Variants in TMTC1 observed in about 807,000 individuals in gnomAD.
TMTC1 encodes the protein protein O-mannosyl-transferase TMTC1.
TMTC1 carries 73 observed loss-of-function variants against 104.8 expected under a neutral mutation model. That is an observed-to-expected ratio of 0.70 (90% CI 0.58 to 0.85). TMTC1 has a LOEUF of 0.85. Among genes scored for constraint, TMTC1 ranks in the 40% least tolerant of loss-of-function variants. The probability of loss-of-function intolerance (pLI) is 0.00; values close to 1 mark genes in which losing one functional copy is unlikely to be tolerated. For synonymous variants in TMTC1, 434 were observed against 428.7 expected, an observed-to-expected ratio of 1.01 and a Z score of -0.15; for missense variants, 1,035 against 1,096.1, an observed-to-expected ratio of 0.94 and a Z score of 0.79.
At chr12:29,686,544 C>G (rs1224800179) in intron 5 of TMTC1, among the ~76,000 whole-genome samples, 1 of 152,152 alleles carries the variant, frequency 6.6e-6, no homozygotes, top group African/African-American at 2.4e-5. Context: ...GGAGCTGATG[C>G]TGGGAAGAGA....
chr12:29,707,536 T>C (rs984255163), intron 5 of TMTC1, among the ~76,000 whole-genome samples: 9 of 152,122 alleles, frequency 5.9e-5, no homozygotes, highest in African/African-American at 2.2e-4. Context: ...TTCTCCTCTT[T>C]GAAGATCTCT....
chr12:29,597,481 G>A (rs1946441712), intron 7 of TMTC1, among the ~76,000 whole-genome samples: 1 of 151,874 alleles, frequency 6.6e-6, no homozygotes, highest in Admixed American at 6.6e-5. Flanking sequence ...CTTTTGTAGG[G>A]CCACTGTCGG....
rs376684672 is a variant in TMTC1 at position 29,635,794 on chromosome 12, C to T, written c.939-2458G>A. On this transcript the variant is annotated intron_variant, in intron 5 of 17. Coordinates refer to ENST00000539277, the MANE Select transcript of TMTC1 (RefSeq NM_001193451.2). Reference sequence around the variant, plus strand: ...ACCACAGGGATGCAGTGTGCAAAATCCAGACTGTGGGAAACAAAGGGCCCA... The same window carrying T: ...ACCACAGGGATGCAGTGTGCAAAATTCAGACTGTGGGAAACAAAGGGCCCA... Among the ~76,000 whole-genome samples the T allele has an allele frequency of 3.9e-5, 6 of 152,184 alleles. No individual in the cohort carries two copies. The East Asian group carries it at 1.2e-3, about 29-fold the overall frequency.
chr12:29,697,530 G>T (rs77619280), intron 5 of TMTC1, among the ~76,000 whole-genome samples: 2,512 of 152,364 alleles, frequency 0.016, 43 homozygotes, highest in Non-Finnish European at 0.026. Flanking sequence ...TGTGTGTATA[G>T]AAAGAGATTT....
chr12:29,655,338 G>T (rs977514404), intron 5 of TMTC1, among the ~76,000 whole-genome samples: 1 of 152,120 alleles, frequency 6.6e-6, no homozygotes, highest in Admixed American at 6.5e-5. Context: ...AACAATGAAT[G>T]GGAATGAGAT....
chr12:29,662,614 C>T (rs968775564), intron 5 of TMTC1, among the ~76,000 whole-genome samples: 79 of 147,138 alleles, frequency 5.4e-4, no homozygotes, highest in African/African-American at 1.9e-3. Context: ...CGTGCCACTA[C>T]ACTCCAGCTT....
chr12:29,650,857 T>C (rs1591863361), intron 5 of TMTC1, among the ~76,000 whole-genome samples: 2 of 152,138 alleles, frequency 1.3e-5, no homozygotes, highest in Non-Finnish European at 2.9e-5. Context: ...CTTGTTGATA[T>C]GTGAATAGAG....
In TMTC1 at chr12:29,644,143, GTGTGTGTATATATA is replaced by G. The variant is rs1247009245; in HGVS notation, c.939-10821_939-10808del. 6.5e-4 allele frequency among the ~76,000 whole-genome samples: 65 copies of G among 99,500 alleles called. 1 individual carries two copies. The highest frequency in any genetic ancestry group is 1.1e-3 in the Non-Finnish European group (55 of 49,208). 65.3% of individuals were successfully genotyped at this position (99,500 alleles called of 152,430 possible). On this transcript the variant is annotated intron_variant, in intron 5 of 17. Coordinates refer to ENST00000539277, the MANE Select transcript of TMTC1 (RefSeq NM_001193451.2). ...TGTGTGTGTGTGTGTGTGTGTGTGT[GTGTGTGTATATATA>G]TATATAATGAAATACTAAACAGCCA... is the stretch of plus-strand genomic sequence containing the variant.
intron 6 of TMTC1, among the ~76,000 whole-genome samples, chr12:29,622,818 A>C (rs1442521382): frequency 6.6e-6 from 1 of 152,232 alleles, no homozygotes; most frequent in Non-Finnish European, 1.5e-5. Context: ...GGAGAGGCAC[A>C]GAACGAGATA....
At chr12:29,604,765 T>C (rs1272975463) in intron 6 of TMTC1, among the ~76,000 whole-genome samples, 1 of 152,152 alleles carries the variant, frequency 6.6e-6, no homozygotes, top group Non-Finnish European at 1.5e-5. Context: ...GAAGCAAAGT[T>C]TAACATCAAG....
upstream of TMTC1, chr12:29,784,672 G>A (rs546677689): frequency 1.3e-5 from 2 of 152,348 alleles, no homozygotes; most frequent in South Asian, 4.1e-4. Flanking sequence ...TTTGGGCCTG[G>A]GAGCCGAATT....
intron 5 of TMTC1, among the ~76,000 whole-genome samples, chr12:29,663,149 T>C (rs1402157655): frequency 2.0e-5 from 3 of 152,210 alleles, no homozygotes; most frequent in Non-Finnish European, 4.4e-5. Flanking sequence ...AACTGGGTTC[T>C]TCGTTGCCTA....
chr12:29,563,662 T>C (rs1199893246), intron 9 of TMTC1, among the ~76,000 whole-genome samples: 1 of 152,162 alleles, frequency 6.6e-6, no homozygotes, highest in Non-Finnish European at 1.5e-5. Flanking sequence ...TGTTTGTCCT[T>C]ATGGAGTTGT....
intron 4 of TMTC1, among the ~76,000 whole-genome samples, chr12:29,754,448 C>T (rs891882928): frequency 2.0e-5 from 3 of 152,116 alleles, no homozygotes; most frequent in African/African-American, 7.2e-5. Flanking sequence ...CGTGAGAGAA[C>T]GCATCTGCAG....
At chr12:29,597,825 G>T (rs1946453115) in intron 7 of TMTC1, among the ~76,000 whole-genome samples, 1 of 152,094 alleles carries the variant, frequency 6.6e-6, no homozygotes, top group Non-Finnish European at 1.5e-5. Flanking sequence ...GGTGAATGGG[G>T]GAGAAGGAAC....
intron 13 of TMTC1, among the ~76,000 whole-genome samples, chr12:29,518,114 T>C (rs1199669073): frequency 6.6e-6 from 1 of 152,242 alleles, no homozygotes; most frequent in Non-Finnish European, 1.5e-5. Flanking sequence ...AGGGTCTTTC[T>C]CATTAATTAT....
chr12:29,711,165 A>G (rs1419968876), intron 5 of TMTC1, among the ~76,000 whole-genome samples: 2 of 151,428 alleles, frequency 1.3e-5, no homozygotes, highest in Non-Finnish European at 2.9e-5. Context: ...ATTTTTGTAG[A>G]GACAGGGTCT....
intron 11 of TMTC1, among the ~76,000 whole-genome samples, chr12:29,526,002 T>C (rs1216964992): frequency 3.3e-5 from 5 of 152,322 alleles, no homozygotes; most frequent in African/African-American, 9.6e-5. Flanking sequence ...AGCTTTCATA[T>C]AACCAGAAAA....
chr12:29,670,161 G>T (rs1940452018), intron 5 of TMTC1, among the ~76,000 whole-genome samples: 1 of 152,230 alleles, frequency 6.6e-6, no homozygotes, highest in Non-Finnish European at 1.5e-5. Flanking sequence ...ACAGTCAATA[G>T]TACTATAATG....
Sources: allele counts gnomAD v4.1 joint callset (sites outside exome capture counted in the v4.1 genomes callset), GRCh38; gene constraint gnomAD v4.1.1; transcripts MANE v1.5; gene names NCBI Gene and HGNC (gene_info 2026-07-23, HGNC 2026-07-21).